Variants in SOCS5 observed in about 807,000 individuals in gnomAD.
SOCS5 encodes CIS-6.
Under a neutral mutation model 42.8 loss-of-function variants are expected in SOCS5, and 32 were observed. That is an observed-to-expected ratio of 0.75 (90% CI 0.56 to 1.01). The LOEUF is 1.01. SOCS5 is among the 50% of genes least tolerant of loss of function. The probability of loss-of-function intolerance (pLI) is 0.00; values close to 1 mark genes in which losing one functional copy is unlikely to be tolerated. For missense variants in SOCS5, 627 were observed against 653.0 expected (o/e 0.96, Z 0.43); for synonymous variants, 283 against 229.6 (o/e 1.23, Z -2.10).
At chr2:46,748,523 A>G (rs1421395196) in intron 1 of SOCS5, among the ~76,000 whole-genome samples, 1 of 152,016 alleles carries the variant, frequency 6.6e-6, no homozygotes, top group Non-Finnish European at 1.5e-5. Context: ...GGGAGGGTAG[A>G]TCCAAAAAGG....
chr2:46,717,237 G>C (rs1434023199), intron 1 of SOCS5, among the ~76,000 whole-genome samples: 1 of 152,166 alleles, frequency 6.6e-6, no homozygotes, highest in Non-Finnish European at 1.5e-5. Flanking sequence ...TCAGCTTAGT[G>C]AGACTACTGA....
At chr2:46,710,082 C>A (rs1401157052) in intron 1 of SOCS5, among the ~76,000 whole-genome samples, 1 of 152,118 alleles carries the variant, frequency 6.6e-6, no homozygotes, top group African/African-American at 2.4e-5. Context: ...AGATACTGTT[C>A]TAGAGGGTGG....
intron 1 of SOCS5, among the ~76,000 whole-genome samples, chr2:46,705,667 A>G (rs1672446175): frequency 1.3e-5 from 2 of 152,246 alleles, no homozygotes; most frequent in South Asian, 2.1e-4. Context: ...GTGCTCATTT[A>G]TCTAATTATT....
In SOCS5 at chr2:46,762,586, G is replaced by A. The variant is rs1673894258; in HGVS notation, c.*2445G>A. On this transcript the variant is annotated 3_prime_UTR_variant, in exon 2 of 2. Transcript: ENST00000394861. ...TTCAGTTTGTGTATAATATTAATAT[G>A]CAATTTTTGGTTTAAATTTTTGTCT... 6.0e-6 allele frequency: 1 copy of A among 166,036 alleles called. No individual in the cohort carries two copies. The highest frequency in any genetic ancestry group is 6.5e-5 in the Admixed American group (1 of 15,278). The allele number at this position is 166,036 out of a possible 1,614,324, so 10.3% of individuals were successfully genotyped here.
Position 46,761,541 on chromosome 2 carries a change from A to G in SOCS5, c.*1400A>G, listed in dbSNP as rs1673870042. 1 of 167,014 alleles carries G rather than the reference A, an allele frequency of 6.0e-6. No homozygotes were observed. The allele number at this position is 167,014 out of a possible 1,614,324, so 10.3% of individuals were successfully genotyped here. On this transcript the variant is annotated 3_prime_UTR_variant, in exon 2 of 2. Coordinates refer to ENST00000394861, the MANE Select transcript of SOCS5 (RefSeq NM_144949.3). The stretch of plus-strand genomic sequence containing the variant: ...ACACTAACCTTTTGACTGCTAATGT[A>G]TGTTTCTGCTTGCTGTGCCTTGTTA...
Position 46,759,025 on chromosome 2 carries a change from C to T in SOCS5, c.495C>T (p.Asp165=). ...RYGVSSVHDM[D]SVSSRTVGSR... is the part of the protein sequence containing the mutation. ...GCGTAAGTTCTGTACACGACATGGA[C>T]AGTGTTTCCAGCAGAACTGTAGGAA... Residue 165 remains aspartate, a synonymous_variant, in exon 2 of 2, where the codon GAC becomes GAT. Transcript: ENST00000394861. 2 of 1,613,984 alleles carry T rather than the reference C, an allele frequency of 1.2e-6. No individual in the cohort carries two copies. The highest frequency in any genetic ancestry group is 1.7e-4 in the Middle Eastern group (1 of 6,056).
chr2:46,747,032 C>T (rs1461210668), intron 1 of SOCS5, among the ~76,000 whole-genome samples: 1 of 135,858 alleles, frequency 7.4e-6, no homozygotes, highest in African/African-American at 2.7e-5. Context: ...AGATTTGTTT[C>T]TTCTGCCTAG....
At chr2:46,736,409 C>T (rs1361552110) in intron 1 of SOCS5, among the ~76,000 whole-genome samples, 1 of 152,136 alleles carries the variant, frequency 6.6e-6, no homozygotes. Context: ...GTGCAACCAT[C>T]ATCACCATCT....
chr2:46,699,600 C>G lies in SOCS5; in HGVS notation c.-13+151C>G, dbSNP rs375435039. ...GCACCGCGGCGGAGGCAGCGCCGGC[C>G]TCTGGCTGGGATGGGCTGGCCGGGA... On this transcript the variant is annotated intron_variant, in intron 1 of 1. Transcript: ENST00000394861. This position sits in a 1 kb window ranked among gnomAD's most constrained non-coding sequence, Gnocchi z 4.8. Among the ~76,000 whole-genome samples the G allele has an allele frequency of 6.6e-6, 1 of 152,086 alleles. No individual in the cohort carries two copies. The highest frequency in any genetic ancestry group is 1.9e-4 in the East Asian group (1 of 5,188).
chr2:46,732,817 C>T (rs1363322066), intron 1 of SOCS5, among the ~76,000 whole-genome samples: 1 of 152,054 alleles, frequency 6.6e-6, no homozygotes, highest in Non-Finnish European at 1.5e-5. Flanking sequence ...TTTCTTTGTT[C>T]CTAGAAATCA....
chr2:46,743,468 G>A (rs557255663), intron 1 of SOCS5, among the ~76,000 whole-genome samples: 1 of 152,262 alleles, frequency 6.6e-6, no homozygotes, highest in Non-Finnish European at 1.5e-5. Context: ...GGCACTGGTG[G>A]GAGTGTAACA....
At position 46,759,529 on chromosome 2, in the gene SOCS5, G is replaced by A. The variant is rs1398607576; in HGVS notation, c.999G>A (p.Leu333=). Residue 333 remains leucine, a synonymous_variant, in exon 2 of 2, where the codon TTG becomes TTA. Coordinates refer to ENST00000394861, the MANE Select transcript of SOCS5 (RefSeq NM_144949.3). The part of the protein sequence containing the change: ...DSEEDTTTLC[L]QSRRQKQRQI... ...AAGAGGATACAACCACCCTGTGTTTGCAGTCACGGAGGCAGAAGCAGCGTC... is the reference window on the plus strand; with the variant it reads ...AAGAGGATACAACCACCCTGTGTTTACAGTCACGGAGGCAGAAGCAGCGTC... 1 of 1,613,990 alleles carries A rather than the reference G, an allele frequency of 6.2e-7. No individual in the cohort carries two copies. The highest frequency in any genetic ancestry group is 2.2e-5 in the East Asian group (1 of 44,886).
At chr2:46,750,381 A>G (rs764512670) in intron 1 of SOCS5, among the ~76,000 whole-genome samples, 1 of 152,184 alleles carries the variant, frequency 6.6e-6, no homozygotes, top group Non-Finnish European at 1.5e-5. Flanking sequence ...AAAAAGAAAT[A>G]GCCCTAAAAT....
At chr2:46,750,485 C>T (rs1341710025) in intron 1 of SOCS5, among the ~76,000 whole-genome samples, 1 of 151,772 alleles carries the variant, frequency 6.6e-6, no homozygotes, top group Admixed American at 6.6e-5. Context: ...TAAAAATGGA[C>T]CACTATATTA....
At chr2:46,726,181 C>G (rs1672985773) in intron 1 of SOCS5, among the ~76,000 whole-genome samples, 1 of 152,178 alleles carries the variant, frequency 6.6e-6, no homozygotes, top group Non-Finnish European at 1.5e-5. Context: ...ACTGCAACCT[C>G]TGCCTCTCCG....
At chr2:46,709,625 C>T (rs770399450) in intron 1 of SOCS5, among the ~76,000 whole-genome samples, 5 of 152,098 alleles carry the variant, frequency 3.3e-5, no homozygotes, top group Non-Finnish European at 5.9e-5. Flanking sequence ...AGTGAAGGAC[C>T]TGGTGAACAA....
At chr2:46,744,383 C>T (rs1288479285) in intron 1 of SOCS5, among the ~76,000 whole-genome samples, 3 of 152,250 alleles carry the variant, frequency 2.0e-5, no homozygotes, top group Admixed American at 1.3e-4. Context: ...AGTTGTAATT[C>T]TGGTAAAGTA....
At chr2:46,727,959 G>T (rs1673032369) in intron 1 of SOCS5, among the ~76,000 whole-genome samples, 1 of 152,168 alleles carries the variant, frequency 6.6e-6, no homozygotes, top group African/African-American at 2.4e-5. Context: ...TTGATGGAGA[G>T]AGGTTGCCTA....
intron 1 of SOCS5, among the ~76,000 whole-genome samples, chr2:46,734,305 A>AT (rs536308549): frequency 2.8e-4 from 42 of 152,230 alleles, no homozygotes; most frequent in Admixed American, 1.8e-3. Flanking sequence ...AAAAGCACTG[A>AT]TTTTTCTTTA....
Sources: gnomAD v4.1 joint callset for allele counts (sites outside exome capture counted in the v4.1 genomes callset) on GRCh38, gnomAD v4.1.1 for gene constraint, Gnocchi (gnomAD v3.1) non-coding constraint, MANE v1.5 for transcripts, NCBI Gene and HGNC (gene_info 2026-07-23, HGNC 2026-07-21) for gene names.